The following CDK5RAP2 variants were observed in gnomAD, a reference collection of about 807,000 sequenced individuals.
The protein encoded by CDK5RAP2 is CDK5 regulatory subunit-associated protein 2.
CDK5RAP2 carries 147 observed loss-of-function variants against 232.9 expected under a neutral mutation model. That is an observed-to-expected ratio of 0.63 (90% confidence interval 0.55 to 0.72). CDK5RAP2 has a LOEUF of 0.72. Ranked by LOEUF, CDK5RAP2 falls within the 30% of genes least tolerant of loss-of-function variation. The pLI, the probability that CDK5RAP2 is intolerant of heterozygous loss-of-function variation, is 0.00. For synonymous variants in CDK5RAP2, 833 were observed against 833.7 expected (o/e 1.00, Z 0.01); for missense variants, 2,195 against 2,231.5 (o/e 0.98, Z 0.33).
chr9:120,484,808 G>C (rs960039003), intron 14 of CDK5RAP2, among the ~76,000 whole-genome samples: 1 of 151,944 alleles, frequency 6.6e-6, no homozygotes. Flanking sequence ...GTTCACTCCA[G>C]CCTCAAATTC....
intron 3 of CDK5RAP2, among the ~76,000 whole-genome samples, chr9:120,552,810 T>C (rs893138339): frequency 1.3e-5 from 2 of 151,812 alleles, no homozygotes; most frequent in Non-Finnish European, 1.5e-5. Context: ...AACCTGCACA[T>C]TGTGCACATG....
At position 120,403,783 on chromosome 9, in the gene CDK5RAP2, C is replaced by G; in HGVS notation, c.5041+253G>C. 1.9e-6 allele frequency: 1 copy of G among 530,598 alleles called. No homozygotes were observed. The highest frequency in any genetic ancestry group is 3.4e-6 in the Non-Finnish European group (1 of 293,992). The allele number at this position is 530,598 out of a possible 1,614,324, so 32.9% of individuals were successfully genotyped here. On this transcript the variant is annotated intron_variant, in intron 33 of 37. Transcript: ENST00000349780. This position sits in a 1 kb window ranked among gnomAD's most constrained non-coding sequence, Gnocchi z 4.2. ...GCTGGATCCTGGAGGGCCTTGAAAG[C>G]CTCACAAAGGTGGTCACAATTTTAA... is the stretch of plus-strand genomic sequence containing the variant.
Position 120,453,870 on chromosome 9 carries a change from T to C in CDK5RAP2, c.2379A>G (p.Pro793=). 6.2e-7 allele frequency: 1 copy of C among 1,614,218 alleles called. No individual in the cohort carries two copies. Among genetic ancestry groups the C allele is most frequent in the African/African-American group, 1.3e-5 (1 of 75,062 alleles). ...EKATLLLESR[P]DLLKVVRELL... is the part of the protein sequence containing the mutation. ...GTTCCCGTACCACTTTCAGAAGGTCTGGCCTGTTTTTCCAAAAGGGAAGGA... is the reference window on the plus strand; with the variant it reads ...GTTCCCGTACCACTTTCAGAAGGTCCGGCCTGTTTTTCCAAAAGGGAAGGA... Residue 793 remains proline (P), a synonymous_variant, in exon 21 of 38, where the codon CCA becomes CCG. Transcript: ENST00000349780.
In CDK5RAP2 at chr9:120,487,430, T is replaced by C. The variant is rs375863465; in HGVS notation, c.1490A>G (p.Asn497Ser). 4.7e-5 allele frequency: 76 copies of C among 1,603,870 alleles called. 1 individual carries two copies. The highest frequency in any genetic ancestry group is 2.4e-4 in the South Asian group (21 of 88,162). ...CTGTATTACTTCCAAATCTTTTTCA[T>C]TGAATTTCTAATGAAATAAAACAAA... The part of the protein sequence containing the change: ...NQKDVLLQKF[N>S]EKDLEVIQQN... Residue 497 changes from asparagine to serine, a missense_variant, in exon 14 of 38, where the codon AAT becomes AGT. Transcript: ENST00000349780.
intron 35 of CDK5RAP2, among the ~76,000 whole-genome samples, chr9:120,397,544 T>TAAAAAAAAAA (rs760469422): frequency 2.0e-4 from 10 of 49,038 alleles, no homozygotes; most frequent in African/African-American, 4.4e-4. Context: ...AAAACATTCT[T>TAAAAAAAAAA]AAAAAAAAAA....
chr9:120,439,283 A>G, intron 24 of CDK5RAP2, 116 bp downstream of exon 24: 1 of 960,372 alleles, frequency 1.0e-6, no homozygotes, highest in Non-Finnish European at 1.7e-6. Flanking sequence ...AGCCTTCCCC[A>G]GAACACACTC....
At chr9:120,576,859 T>G (rs980504123) in intron 1 of CDK5RAP2, among the ~76,000 whole-genome samples, 1 of 152,108 alleles carries the variant, frequency 6.6e-6, no homozygotes, top group Admixed American at 6.5e-5. Flanking sequence ...GAGGATCACT[T>G]GAGCCCAGGA....
At chr9:120,518,907 T>A (rs987696388) in intron 11 of CDK5RAP2, among the ~76,000 whole-genome samples, 1 of 152,170 alleles carries the variant, frequency 6.6e-6, no homozygotes, top group East Asian at 1.9e-4. Flanking sequence ...CTGGGCACAG[T>A]GGCTCACACC....
chr9:120,462,307 G>A (rs1383672199), intron 18 of CDK5RAP2, among the ~76,000 whole-genome samples: 1 of 152,028 alleles, frequency 6.6e-6, no homozygotes, highest in African/African-American at 2.4e-5. Flanking sequence ...TAACATTCTC[G>A]AGTGATAAAG....
chr9:120,511,479 T>C (rs959219084), intron 12 of CDK5RAP2, among the ~76,000 whole-genome samples: 3 of 152,234 alleles, frequency 2.0e-5, no homozygotes, highest in Non-Finnish European at 4.4e-5. Context: ...TCTGGCCCCA[T>C]GCAGAATTGC....
intron 31 of CDK5RAP2, 73 bp from the exon 32 acceptor site, chr9:120,407,321 G>A (rs911138733): frequency 9.0e-6 from 10 of 1,109,804 alleles, no homozygotes; most frequent in African/African-American, 3.1e-5. Context: ...GAACTCAATC[G>A]CATTTTACAC....
intron 5 of CDK5RAP2, among the ~76,000 whole-genome samples, chr9:120,541,687 C>T (rs954145934): frequency 1.3e-5 from 2 of 152,216 alleles, no homozygotes; most frequent in Non-Finnish European, 2.9e-5. Flanking sequence ...GGCCGCTACA[C>T]GTTTCCCCAC....
intron 28 of CDK5RAP2, 136 bp downstream of exon 28, chr9:120,414,904 G>T: frequency 1.0e-6 from 1 of 970,658 alleles, no homozygotes; most frequent in Non-Finnish European, 1.6e-6. Flanking sequence ...GATGCCAGAG[G>T]CTGGCAGACT....
rs3780679 is a variant in CDK5RAP2, at chr9:120,443,634, C to A, written c.3134G>T (p.Arg1045Ile). The change falls in exon 23 of 38, where the codon AGA becomes ATA. Residue 1045 changes from arginine to isoleucine, a missense_variant. Transcript: ENST00000349780. ...RDKEMDSDQQ[R>I]SYEIDSEICP... ...TGAATTCTGACCAATCTCGTAGCTT[C>A]TTTGCTGATCACTGTCCATTTCCTT... is the stretch of plus-strand genomic sequence containing the variant. 6.2e-7 allele frequency: 1 copy of A among 1,614,078 alleles called. No homozygotes were observed. The highest frequency in any genetic ancestry group is 2.2e-5 in the East Asian group (1 of 44,870).
chr9:120,462,932 A>T (rs185296159), intron 18 of CDK5RAP2, among the ~76,000 whole-genome samples: 1 of 152,372 alleles, frequency 6.6e-6, no homozygotes, highest in East Asian at 1.9e-4. Context: ...TTTCAATTAA[A>T]ATTTATTAGA....
intron 5 of CDK5RAP2, among the ~76,000 whole-genome samples, chr9:120,542,137 A>G (rs1374126739): frequency 2.6e-5 from 4 of 152,344 alleles, no homozygotes; most frequent in Middle Eastern, 3.4e-3. Flanking sequence ...AGGGTATCAT[A>G]TTAACATAGA....
chr9:120,406,105 C>T (rs998919201), intron 32 of CDK5RAP2: 9 of 152,146 alleles, frequency 5.9e-5, no homozygotes, highest in African/African-American at 9.7e-5. Context: ...CTAATCACTA[C>T]GAGCGGACTG....
intron 18 of CDK5RAP2, among the ~76,000 whole-genome samples, chr9:120,467,212 T>G (rs1454704606): frequency 5.3e-5 from 8 of 152,216 alleles, no homozygotes; most frequent in Admixed American, 5.2e-4. Flanking sequence ...AGGTGGGTTG[T>G]GTGTATGTCA....
chr9:120,443,718 T>A lies in CDK5RAP2; in HGVS notation c.3050A>T (p.Tyr1017Phe). 1 of 1,614,050 alleles carries A rather than the reference T, an allele frequency of 6.2e-7. No homozygotes were observed. Among genetic ancestry groups the A allele is most frequent in the Non-Finnish European group, 8.5e-7 (1 of 1,179,996 alleles). ...LNAQPPVGAAYQDSPGEQKGI... is the reference protein window; with the variant it reads ...LNAQPPVGAAFQDSPGEQKGI... ...TTTCTGCTCTCCTGGGCTGTCCTGG[T>A]AGGCTGCTCCCACAGGGGGCTGAGC... The change falls in exon 23 of 38, where the codon TAC (tyrosine) becomes TTC (phenylalanine). Residue 1017 changes from tyrosine to phenylalanine, a missense_variant. Tyr to Phe is a conservative substitution (Grantham distance 22, BLOSUM62 3). Coordinates refer to ENST00000349780, the MANE Select transcript of CDK5RAP2 (RefSeq NM_018249.6).
Sources: gnomAD v4.1 joint callset for allele counts (sites outside exome capture counted in the v4.1 genomes callset) on GRCh38, gnomAD v4.1.1 for gene constraint, Gnocchi (gnomAD v3.1) non-coding constraint, MANE v1.5 for transcripts, NCBI Gene and HGNC (gene_info 2026-07-23, HGNC 2026-07-21) for gene names.